The following XPO7 variants were observed in gnomAD, a reference collection of about 807,000 sequenced individuals.
XPO7 encodes exportin 7, also known as exportin-7.
XPO7 carries 21 observed loss-of-function variants against 144.3 expected under a neutral mutation model. The ratio of observed to expected loss-of-function variants is 0.15; its 90% confidence interval spans 0.10 to 0.21. XPO7 has a LOEUF of 0.21. XPO7 is among the 10% of genes least tolerant of loss of function. The pLI is 1.00. For synonymous variants in XPO7, 580 were observed against 499.6 expected (o/e 1.16, Z -2.15); for missense variants, 808 against 1,325.8 (o/e 0.61, Z 6.06).
chr8:21,948,111 C>T (rs955286488), intron 1 of XPO7, among the ~76,000 whole-genome samples: 1 of 152,186 alleles, frequency 6.6e-6, no homozygotes, highest in Non-Finnish European at 1.5e-5. Context: ...CTCTTACTCT[C>T]ATATATTGAC....
Position 22,005,014 on chromosome 8 carries a change from G to A in XPO7, c.3190G>A (p.Ala1064Thr), listed in dbSNP as rs763131709. 3.7e-6 allele frequency: 6 copies of A among 1,608,652 alleles called. No homozygotes were observed. The East Asian group carries it at 1.1e-4, about 30-fold the overall frequency. ...NRDRFTQNLSAFRREVNDSMK... is the reference protein window; with the variant it reads ...NRDRFTQNLSTFRREVNDSMK... ...CTGCAGGTTCACCCAGAACCTGTCA[G>A]CATTCCGTCGAGAAGTCAACGACTC... Residue 1064 changes from alanine (A) to threonine (T), a missense_variant, in exon 28 of 28, where the codon GCA becomes ACA. This residue lies in a region of XPO7 where 140 missense variants were observed against 237.9 expected (regional missense o/e 0.59). Transcript: ENST00000252512.
intron 1 of XPO7, among the ~76,000 whole-genome samples, chr8:21,955,408 A>T (rs557245339): frequency 6.6e-6 from 1 of 152,204 alleles, no homozygotes; most frequent in Non-Finnish European, 1.5e-5. Flanking sequence ...GTGTTTGTCA[A>T]TTGAGGGCTT....
chr8:21,982,122 T>A (rs1402966767), intron 10 of XPO7, among the ~76,000 whole-genome samples: 1 of 152,140 alleles, frequency 6.6e-6, no homozygotes, highest in Admixed American at 6.5e-5. Flanking sequence ...AATTAGCTCA[T>A]AGTCACCCCA....
chr8:21,963,324 T>C (rs1811784134), intron 1 of XPO7, among the ~76,000 whole-genome samples: 1 of 152,204 alleles, frequency 6.6e-6, no homozygotes, highest in Non-Finnish European at 1.5e-5. Flanking sequence ...GGGAGTGTCA[T>C]TGACTCCTTC....
chr8:21,927,538 C>CTTTTT (rs576510771), intron 1 of XPO7, among the ~76,000 whole-genome samples: 3 of 120,544 alleles, frequency 2.5e-5, no homozygotes, highest in African/African-American at 3.5e-5. Flanking sequence ...AAAAACCAAC[C>CTTTTT]TTTTTTTTTT....
chr8:21,953,571 G>T (rs974894287), intron 1 of XPO7, among the ~76,000 whole-genome samples: 1 of 152,208 alleles, frequency 6.6e-6, no homozygotes, highest in Admixed American at 6.5e-5. Context: ...GTAAGAGTAT[G>T]TTTAGTTTTG....
At chr8:21,980,952 AT>A (rs1431537706) in intron 9 of XPO7, among the ~76,000 whole-genome samples, 3 of 152,080 alleles carry the variant, frequency 2.0e-5, no homozygotes, top group Non-Finnish European at 4.4e-5. Flanking sequence ...GTGATTCAGT[AT>A]TTTTTTGAAA....
At chr8:21,948,273 A>AG (rs1811256812) in intron 1 of XPO7, among the ~76,000 whole-genome samples, 1 of 152,238 alleles carries the variant, frequency 6.6e-6, no homozygotes, top group African/African-American at 2.4e-5. Flanking sequence ...CCTGTTGCCT[A>AG]GTGACATAGC....
At chr8:21,969,238 A>T (rs188642626) in intron 2 of XPO7, among the ~76,000 whole-genome samples, 63 of 152,282 alleles carry the variant, frequency 4.1e-4, no homozygotes, top group Admixed American at 3.7e-3. Context: ...AGATACCTGT[A>T]TTAGATTCAG....
chr8:21,919,784 TGCAGGTGAGAGGAGCCGC>T lies in XPO7; in HGVS notation c.16_18+15del. 1.8e-6 allele frequency: 1 copy of T among 548,084 alleles called. No homozygotes were observed. The highest frequency in any genetic ancestry group is 2.7e-6 in the Non-Finnish European group (1 of 377,050). The allele number at this position is 548,084 out of a possible 1,614,324, so 34.0% of individuals were successfully genotyped here. A position where few individuals can be genotyped will look rare whatever the true frequency, so the allele number is the denominator to read the frequency against. On this transcript the variant is annotated splice_donor_variant and splice_donor_5th_base_variant and coding_sequence_variant and intron_variant, in exon 1 of 28. Transcript: ENST00000252512. LOFTEE classifies it high-confidence loss of function. ...GAATGGAGCAAAATGGCGGATCATG[TGCAGGTGAGAGGAGCCGC>T]GGGGGGGAGGGGGCGACCACGAAGA...
intron 16 of XPO7, 135 bp downstream of exon 16, chr8:21,989,218 CA>C (rs1300606498): frequency 2.0e-5 from 16 of 799,904 alleles, no homozygotes; most frequent in Non-Finnish European, 2.9e-5. Context: ...CCTAGGAGTC[CA>C]AAAAAACGCC....
chr8:21,963,881 C>A lies in XPO7; in HGVS notation c.19-2976C>A, dbSNP rs542643581. On this transcript the variant is annotated intron_variant, in intron 1 of 27. Coordinates refer to ENST00000252512, the MANE Select transcript of XPO7 (RefSeq NM_015024.5). ...TATATTCTAAGGTCTGTAATCTCAACAAATCTCGCCTTATGTTGAAATAAG... is the reference window on the plus strand; with the variant it reads ...TATATTCTAAGGTCTGTAATCTCAAAAAATCTCGCCTTATGTTGAAATAAG... Among the ~76,000 whole-genome samples, 38 of 152,252 alleles carry A rather than the reference C, an allele frequency of 2.5e-4. No individual in the cohort carries two copies. The South Asian group carries it at 4.1e-3, about 17-fold the overall frequency.
At chr8:21,936,027 A>G (rs1220150391) in intron 1 of XPO7, among the ~76,000 whole-genome samples, 2 of 152,194 alleles carry the variant, frequency 1.3e-5, no homozygotes, top group East Asian at 3.8e-4. Context: ...TACAGGAAAG[A>G]TCGACTGGGC....
intron 16 of XPO7, among the ~76,000 whole-genome samples, chr8:21,989,987 C>G (rs1191820563): frequency 1.3e-5 from 2 of 150,836 alleles, no homozygotes; most frequent in African/African-American, 4.9e-5. Flanking sequence ...GTAGCTGGGA[C>G]TACAGGCACC....
At chr8:21,926,596 T>C (rs1259930495) in intron 1 of XPO7, among the ~76,000 whole-genome samples, 1 of 150,206 alleles carries the variant, frequency 6.7e-6, no homozygotes, top group Non-Finnish European at 1.5e-5. Context: ...ACTCCTGAAC[T>C]TCAGTGCTTT....
intron 8 of XPO7, among the ~76,000 whole-genome samples, chr8:21,978,177 T>C (rs1812288460): frequency 6.6e-6 from 1 of 152,178 alleles, no homozygotes; most frequent in South Asian, 2.1e-4. Context: ...ACTATTAAGA[T>C]TGTCCTGACT....
chr8:21,943,434 G>A (rs941341955), intron 1 of XPO7, among the ~76,000 whole-genome samples: 1 of 152,180 alleles, frequency 6.6e-6, no homozygotes, highest in African/African-American at 2.4e-5. Context: ...TCTGAGAAAT[G>A]TATAGCCCCT....
At chr8:21,925,086 G>A (rs1041548061) in intron 1 of XPO7, among the ~76,000 whole-genome samples, 4 of 152,148 alleles carry the variant, frequency 2.6e-5, no homozygotes, top group South Asian at 2.1e-4. Flanking sequence ...TCACTACCCC[G>A]TTATCTTTTC....
intron 5 of XPO7, among the ~76,000 whole-genome samples, chr8:21,974,107 A>G (rs370836536): frequency 6.7e-6 from 1 of 148,996 alleles, no homozygotes; most frequent in East Asian, 2.0e-4. Context: ...CCCAGGCTGG[A>G]GTGCAGTGCA....
Sources: allele counts gnomAD v4.1 joint callset (sites outside exome capture counted in the v4.1 genomes callset), GRCh38; gene constraint gnomAD v4.1.1; regional missense constraint gnomAD v4.1.1; transcripts MANE v1.5; gene names NCBI Gene and HGNC (gene_info 2026-07-23, HGNC 2026-07-21).